The following ARNT2 variants were observed in gnomAD, a reference collection of about 807,000 sequenced individuals.
The protein encoded by ARNT2 is aryl hydrocarbon receptor nuclear translocator 2.
Under a neutral mutation model 91.7 loss-of-function variants are expected in ARNT2, and 36 were observed. The ratio of observed to expected loss-of-function variants is 0.39; its 90% CI spans 0.30 to 0.52. The LOEUF is 0.52. Ranked by LOEUF, ARNT2 falls within the 20% of genes least tolerant of loss-of-function variation. The pLI is 0.72. For missense variants in ARNT2, 775 were observed against 939.3 expected, an observed-to-expected ratio of 0.83 and a Z score of 2.29; for synonymous variants, 365 against 347.1, an observed-to-expected ratio of 1.05 and a Z score of -0.57.
rs1197215342 is a variant in ARNT2, at chr15:80,591,138, C to T, written c.1919-430C>T. On this transcript the variant is annotated intron_variant, in intron 17 of 18. Coordinates refer to ENST00000303329, the MANE Select transcript of ARNT2 (RefSeq NM_014862.4). This position sits in a 1 kb window ranked among gnomAD's most constrained non-coding sequence, Gnocchi z 5.1. ...ACCGAGAGGGAATCAGGAGCAGGGG[C>T]AGGTGTGTCTTCCTCCTCATGCCAA... is the stretch of plus-strand genomic sequence containing the variant. 2.0e-5 allele frequency among the ~76,000 whole-genome samples: 3 copies of T among 152,198 alleles called. No homozygotes were observed. The highest frequency in any genetic ancestry group is 7.2e-5 in the African/African-American group (3 of 41,444).
intron 8 of ARNT2, among the ~76,000 whole-genome samples, chr15:80,533,332 G>A (rs1441435951): frequency 6.6e-6 from 1 of 152,176 alleles, no homozygotes; most frequent in Non-Finnish European, 1.5e-5. Context: ...ATGGCGGTGA[G>A]AGGTGATAGC....
chr15:80,551,297 T>TA, intron 9 of ARNT2, 22 bp downstream of exon 9: 2 of 1,604,370 alleles, frequency 1.2e-6, no homozygotes, highest in Non-Finnish European at 1.7e-6. Context: ...TTCGTAGCCT[T>TA]TTTAATCTTA....
chr15:80,432,504 C>A (rs1005613982), intron 1 of ARNT2, among the ~76,000 whole-genome samples: 1 of 152,186 alleles, frequency 6.6e-6, no homozygotes, highest in Non-Finnish European at 1.5e-5. Context: ...AACACAACCA[C>A]CCCCACTCAT....
intron 5 of ARNT2, among the ~76,000 whole-genome samples, chr15:80,484,821 G>A (rs530837391): frequency 1.8e-4 from 28 of 152,268 alleles, no homozygotes; most frequent in African/African-American, 5.8e-4. Context: ...GATGGGGGGC[G>A]GTGCATAGGG....
intron 12 of ARNT2, among the ~76,000 whole-genome samples, chr15:80,563,553 G>A (rs895233591): frequency 1.3e-5 from 2 of 152,182 alleles, no homozygotes; most frequent in Non-Finnish European, 2.9e-5. Flanking sequence ...GCCAACTGGA[G>A]CTCTGCTGGG....
chr15:80,592,631 T>C, intron 18 of ARNT2, among the ~76,000 whole-genome samples: 1 of 152,240 alleles, frequency 6.6e-6, no homozygotes, highest in East Asian at 1.9e-4. Flanking sequence ...GGCCTGGGAC[T>C]CAGATGTCAC....
intron 17 of ARNT2, among the ~76,000 whole-genome samples, chr15:80,590,780 T>G (rs1482677499): frequency 6.6e-6 from 1 of 152,242 alleles, no homozygotes; most frequent in African/African-American, 2.4e-5. Context: ...TTCCTATTTT[T>G]TGTTTTCTTC....
At chr15:80,442,171 C>A (rs1896202194) in intron 1 of ARNT2, among the ~76,000 whole-genome samples, 1 of 152,210 alleles carries the variant, frequency 6.6e-6, no homozygotes, top group Admixed American at 6.5e-5. Context: ...GCATACCCCT[C>A]AGAGGGGGCT....
At chr15:80,489,200 T>C (rs1022269180) in intron 5 of ARNT2, among the ~76,000 whole-genome samples, 2 of 152,242 alleles carry the variant, frequency 1.3e-5, no homozygotes. Flanking sequence ...TTCCTTTAGC[T>C]TCACCAAAGA....
intron 2 of ARNT2, among the ~76,000 whole-genome samples, chr15:80,455,773 C>A (rs1449996522): frequency 6.6e-6 from 1 of 152,170 alleles, no homozygotes; most frequent in Non-Finnish European, 1.5e-5. Flanking sequence ...GGAGTACTGA[C>A]AATCACACTC....
At chr15:80,543,268 G>A (rs575191808) in intron 8 of ARNT2, among the ~76,000 whole-genome samples, 1 of 152,230 alleles carries the variant, frequency 6.6e-6, no homozygotes, top group East Asian at 1.9e-4. Context: ...CATCCCATAA[G>A]GTGAGCATTC....
At chr15:80,419,780 C>T (rs3910982) in intron 1 of ARNT2, among the ~76,000 whole-genome samples, 1 of 152,052 alleles carries the variant, frequency 6.6e-6, no homozygotes, top group African/African-American at 2.4e-5. Context: ...GACACCATGC[C>T]GGTTCTTAGG....
chr15:80,447,707 C>T (rs796396219), intron 1 of ARNT2, among the ~76,000 whole-genome samples: 2 of 152,152 alleles, frequency 1.3e-5, no homozygotes, highest in Admixed American at 6.5e-5. Context: ...ATTATAGATA[C>T]GGACATAGAT....
At chr15:80,507,227 A>C (rs564737143) in intron 5 of ARNT2, among the ~76,000 whole-genome samples, 4 of 152,296 alleles carry the variant, frequency 2.6e-5, no homozygotes, top group South Asian at 2.1e-4. Context: ...GCCACGTGGG[A>C]GGAGGTCAGT....
At chr15:80,587,654 C>T (rs1016384434) in intron 17 of ARNT2, among the ~76,000 whole-genome samples, 10 of 152,212 alleles carry the variant, frequency 6.6e-5, no homozygotes, top group East Asian at 3.8e-4. Context: ...GATTCTGACC[C>T]GTGGTCTGAA....
At chr15:80,562,327 G>A (rs937639821) in intron 11 of ARNT2, among the ~76,000 whole-genome samples, 1 of 152,122 alleles carries the variant, frequency 6.6e-6, no homozygotes, top group African/African-American at 2.4e-5. Flanking sequence ...TATAGCCAGA[G>A]GGACAATCTT....
intron 8 of ARNT2, among the ~76,000 whole-genome samples, chr15:80,521,107 A>G (rs560270123): frequency 6.6e-6 from 1 of 152,190 alleles, no homozygotes; most frequent in East Asian, 1.9e-4. Context: ...CCAAAGATTT[A>G]TTTGATAAAT....
intron 1 of ARNT2, among the ~76,000 whole-genome samples, chr15:80,416,122 C>A (rs113687449): frequency 3.3e-5 from 5 of 152,320 alleles, no homozygotes; most frequent in African/African-American, 1.2e-4. Context: ...AGATCCCAAA[C>A]AAATGAAAAG....
intron 5 of ARNT2, among the ~76,000 whole-genome samples, chr15:80,482,191 T>C (rs945686937): frequency 6.6e-6 from 1 of 152,356 alleles, no homozygotes; most frequent in Admixed American, 6.5e-5. Flanking sequence ...ATTATAGGCA[T>C]GAGCCACCGC....
Sources: gnomAD v4.1 joint callset for allele counts (sites outside exome capture counted in the v4.1 genomes callset) on GRCh38, gnomAD v4.1.1 for gene constraint, Gnocchi (gnomAD v3.1) non-coding constraint, MANE v1.5 for transcripts, NCBI Gene and HGNC (gene_info 2026-07-23, HGNC 2026-07-21) for gene names.